Variants in FAM227B observed in about 807,000 individuals in gnomAD.
The protein encoded by FAM227B is protein FAM227B.
Under a neutral mutation model 73.8 loss-of-function variants are expected in FAM227B, and 88 were observed. The ratio of observed to expected loss-of-function variants is 1.19; its 90% CI spans 1.00 to 1.42. The LOEUF (loss-of-function observed/expected upper bound fraction) is 1.42. FAM227B is among the 40% of genes most tolerant of loss of function. The pLI is 0.00. For synonymous variants in FAM227B, 210 were observed against 190.5 expected, an observed-to-expected ratio of 1.10 and a Z score of -0.84; for missense variants, 632 against 590.9, an observed-to-expected ratio of 1.07 and a Z score of -0.72.
intron 11 of FAM227B, among the ~76,000 whole-genome samples, chr15:49,476,952 C>T (rs1268958346): frequency 2.0e-5 from 3 of 151,410 alleles, no homozygotes; most frequent in Admixed American, 6.6e-5. Flanking sequence ...CCCAGCTACT[C>T]GGGAGGCTGA....
At chr15:49,515,272 T>C (rs1195373319) in intron 10 of FAM227B, among the ~76,000 whole-genome samples, 2 of 152,306 alleles carry the variant, frequency 1.3e-5, no homozygotes, top group Non-Finnish European at 2.9e-5. Flanking sequence ...AGTTTGTCAA[T>C]GACATTCTTC....
chr15:49,362,683 T>C (rs188885391), intron 13 of FAM227B, among the ~76,000 whole-genome samples: 15 of 152,346 alleles, frequency 9.8e-5, no homozygotes, highest in Non-Finnish European at 2.2e-4. Context: ...ATCTTTATCA[T>C]GAAATCTTTG....
At chr15:49,509,006 G>A (rs1478505607) in intron 10 of FAM227B, among the ~76,000 whole-genome samples, 2 of 152,166 alleles carry the variant, frequency 1.3e-5, no homozygotes, top group African/African-American at 4.8e-5. Context: ...AGAGAAAGAG[G>A]GGAGAACTGT....
At chr15:49,488,512 C>A (rs1438122171) in intron 11 of FAM227B, 1 of 152,060 alleles carries the variant, frequency 6.6e-6, no homozygotes, top group African/African-American at 2.4e-5. Context: ...TCTCAAGGAA[C>A]CAGATATTTA....
chr15:49,470,461 A>G (rs2054641488), intron 11 of FAM227B, among the ~76,000 whole-genome samples: 1 of 152,150 alleles, frequency 6.6e-6, no homozygotes, highest in African/African-American at 2.4e-5. Flanking sequence ...CAAATTTAGG[A>G]CAAGTATATA....
chr15:49,612,466 A>T (rs2078004901), intron 2 of FAM227B, among the ~76,000 whole-genome samples: 1 of 152,180 alleles, frequency 6.6e-6, no homozygotes. Flanking sequence ...GTATATGTGA[A>T]TCATGGCTGA....
At chr15:49,485,302 T>C (rs1259939062) in intron 11 of FAM227B, 3 of 152,400 alleles carry the variant, frequency 2.0e-5, no homozygotes. Context: ...AATCTTTAAG[T>C]TTTTTTCAAG....
intron 13 of FAM227B, among the ~76,000 whole-genome samples, chr15:49,354,361 G>C (rs1040017831): frequency 6.6e-6 from 1 of 152,184 alleles, no homozygotes; most frequent in Non-Finnish European, 1.5e-5. Flanking sequence ...GGGAGTGCCA[G>C]ACAGTGGGCG....
intron 11 of FAM227B, among the ~76,000 whole-genome samples, chr15:49,389,685 A>G (rs767295594): frequency 1.3e-5 from 2 of 151,996 alleles, no homozygotes; most frequent in Non-Finnish European, 2.9e-5. Context: ...TTATTTCTTA[A>G]GGGATATAAA....
intron 11 of FAM227B, among the ~76,000 whole-genome samples, chr15:49,391,148 G>T (rs1440522359): frequency 3.3e-5 from 5 of 152,020 alleles, no homozygotes; most frequent in African/African-American, 9.7e-5. Context: ...TGAGGAGATA[G>T]ATCAAATTAA....
At chr15:49,517,574 A>T (rs1256877654) in intron 10 of FAM227B, among the ~76,000 whole-genome samples, 1 of 152,172 alleles carries the variant, frequency 6.6e-6, no homozygotes, top group Admixed American at 6.5e-5. Context: ...TGTAAGAGAA[A>T]GCAGTGTAAG....
intron 11 of FAM227B, among the ~76,000 whole-genome samples, chr15:49,450,977 T>A (rs1218757539): frequency 6.6e-6 from 1 of 152,072 alleles, no homozygotes; most frequent in Non-Finnish European, 1.5e-5. Context: ...AAAATATATT[T>A]CCCTGGTCAG....
chr15:49,447,159 A>G (rs935774072), intron 11 of FAM227B, among the ~76,000 whole-genome samples: 41 of 151,638 alleles, frequency 2.7e-4, no homozygotes, highest in Non-Finnish European at 3.0e-5. Context: ...TATTTCTTGT[A>G]ATAATAATTT....
In FAM227B at chr15:49,541,816, T is replaced by C; in HGVS notation, c.748-10A>G. 1 of 1,377,414 alleles carries C rather than the reference T, an allele frequency of 7.3e-7. No individual in the cohort carries two copies. 85.3% of individuals were successfully genotyped at this position (1,377,414 alleles called of 1,614,324 possible). A position where few individuals can be genotyped will look rare whatever the true frequency, so the allele number is the denominator to read the frequency against. ...AACAATCAGGATATATCTACCAAAA[T>C]AAAATCAAATTAGATTAATTTTATA... On this transcript the variant is annotated splice_polypyrimidine_tract_variant and intron_variant, in intron 9 of 15. Transcript: ENST00000299338.
chr15:49,428,447 T>C (rs970741009), intron 11 of FAM227B, among the ~76,000 whole-genome samples: 1 of 152,020 alleles, frequency 6.6e-6, no homozygotes, highest in African/African-American at 2.4e-5. Context: ...ATACTTCCAC[T>C]TTTGTTGTCA....
chr15:49,534,566 A>G (rs1338900463), intron 10 of FAM227B, among the ~76,000 whole-genome samples: 1 of 74,474 alleles, frequency 1.3e-5, no homozygotes, highest in African/African-American at 3.9e-5. Context: ...TAAATTAAGA[A>G]GACAAGATTA....
chr15:49,490,116 GCTT>G (rs1022214717), intron 11 of FAM227B, among the ~76,000 whole-genome samples: 1 of 151,338 alleles, frequency 6.6e-6, no homozygotes, highest in African/African-American at 2.4e-5. Context: ...AACTATGCCT[GCTT>G]CTTCATCTTT....
At position 49,575,043 on chromosome 15, in the gene FAM227B, A is replaced by G. The variant is rs946350300; in HGVS notation, c.613T>C (p.Ser205Pro). ...SEASIALLHDSFWWWFLHKFR... is the reference protein window; with the variant it reads ...SEASIALLHDPFWWWFLHKFR... ...TTATGGAGAAACCACCACCAAAAGG[A>G]GTCATGCAAAAGAGCAATGGAGGCT... Residue 205 changes from serine (S) to proline (P), a missense_variant, in exon 8 of 16, where the codon TCC becomes CCC. Physicochemically the swap from Ser to Pro is moderately conservative, Grantham distance 74. Transcript: ENST00000299338. 3 of 1,600,038 alleles carry G rather than the reference A, an allele frequency of 1.9e-6. No individual in the cohort carries two copies. Among genetic ancestry groups the G allele is most frequent in the Non-Finnish European group, 1.7e-6 (2 of 1,172,090 alleles).
At chr15:49,419,014 G>A (rs935977265) in intron 11 of FAM227B, among the ~76,000 whole-genome samples, 2 of 152,156 alleles carry the variant, frequency 1.3e-5, no homozygotes, top group Non-Finnish European at 2.9e-5. Flanking sequence ...GCATCTGGGT[G>A]TTGAGTCATT....
Sources: allele counts gnomAD v4.1 joint callset (sites outside exome capture counted in the v4.1 genomes callset), GRCh38; gene constraint gnomAD v4.1.1; transcripts MANE v1.5; gene names NCBI Gene and HGNC (gene_info 2026-07-23, HGNC 2026-07-21).